Variants in MYO1E observed in about 807,000 individuals in gnomAD.
MYO1E encodes myosin IE.
In MYO1E, 68 loss-of-function variants were observed where a neutral mutation model predicts 151.1. That is an observed-to-expected ratio of 0.45 (90% CI 0.37 to 0.55). The LOEUF (loss-of-function observed/expected upper bound fraction) is 0.55, where lower values mean the gene tolerates loss of function less well. Ranked by LOEUF, MYO1E falls within the 20% of genes least tolerant of loss-of-function variation. The pLI, the probability that MYO1E is intolerant of heterozygous loss-of-function variation, is 0.00. For missense variants in MYO1E, 1,363 were observed against 1,389.3 expected (o/e 0.98, Z 0.30); for synonymous variants, 601 against 501.7 (o/e 1.20, Z -2.64).
At chr15:59,195,708 A>G (rs766770090) in intron 16 of MYO1E, 141 bp from the exon 17 acceptor site, 1 of 858,058 alleles carries the variant, frequency 1.2e-6, no homozygotes, top group Non-Finnish European at 1.9e-6. Context: ...AGCATAACTC[A>G]GGTCTACTAA....
chr15:59,267,597 G>A (rs915656686), intron 2 of MYO1E, among the ~76,000 whole-genome samples: 3 of 152,302 alleles, frequency 2.0e-5, no homozygotes, highest in South Asian at 2.1e-4. Context: ...GGTCTGGCAC[G>A]AAAATCTGGA....
chr15:59,210,866 G>A lies in MYO1E; in HGVS notation c.1276-266C>T, dbSNP rs76089728. ...AAGAAAACTACAATTTAGTAGCACC[G>A]AACTGATAAATCCAGTTACAAAAAA... On this transcript the variant is annotated intron_variant, in intron 12 of 27. Transcript: ENST00000288235. 0.022 allele frequency among the ~76,000 whole-genome samples: 3,412 copies of A among 151,682 alleles called. 68 individuals carry two copies. The highest frequency in any genetic ancestry group is 0.036 in the Non-Finnish European group (2,468 of 67,986).
In MYO1E at chr15:59,135,075, T is replaced by C. The variant is rs2140296448; in HGVS notation, c.*2305A>G. 1 of 152,356 alleles carries C rather than the reference T, an allele frequency of 6.6e-6. No homozygotes were observed. The highest frequency in any genetic ancestry group is 1.5e-5 in the Non-Finnish European group (1 of 68,048). 9.4% of individuals were successfully genotyped at this position (152,356 alleles called of 1,614,324 possible). ...AATAGTGTCAGCATTTCAGCATCTC[T>C]ACGCAGATCTAAGTCTCCTTCCCCT... On this transcript the variant is annotated 3_prime_UTR_variant, in exon 28 of 28. Transcript: ENST00000288235.
At chr15:59,312,874 A>G (rs936014468) in intron 1 of MYO1E, among the ~76,000 whole-genome samples, 1 of 151,628 alleles carries the variant, frequency 6.6e-6, no homozygotes, top group Non-Finnish European at 1.5e-5. Flanking sequence ...TAATAATAAT[A>G]ATAATAATAC....
intron 1 of MYO1E, among the ~76,000 whole-genome samples, chr15:59,361,355 A>G (rs1452538401): frequency 2.0e-5 from 3 of 152,252 alleles, no homozygotes; most frequent in Non-Finnish European, 4.4e-5. Context: ...AAGGTGGCTA[A>G]GCAGAGCTAA....
At chr15:59,224,630 G>A in intron 8 of MYO1E, 59 bp downstream of exon 8, 1 of 1,610,600 alleles carries the variant, frequency 6.2e-7, no homozygotes, top group Non-Finnish European at 8.5e-7. Context: ...TGCCCTTTTG[G>A]CCACAGGAAA....
intron 3 of MYO1E, among the ~76,000 whole-genome samples, chr15:59,258,844 G>C (rs2080209078): frequency 6.6e-6 from 1 of 151,086 alleles, no homozygotes; most frequent in Non-Finnish European, 1.5e-5. Context: ...GTGACAGAGT[G>C]AGACTTTGTT....
At chr15:59,148,013 G>A (rs2079452358) in intron 26 of MYO1E, among the ~76,000 whole-genome samples, 1 of 152,152 alleles carries the variant, frequency 6.6e-6, no homozygotes, top group Non-Finnish European at 1.5e-5. Context: ...AAATTTCCTT[G>A]CAAGACCAGC....
chr15:59,372,083 G>A (rs1199277437), intron 1 of MYO1E, among the ~76,000 whole-genome samples: 1 of 149,828 alleles, frequency 6.7e-6, no homozygotes, highest in Non-Finnish European at 1.5e-5. Flanking sequence ...CACGGCCGCG[G>A]GGAGGGCAGG....
chr15:59,322,231 G>A (rs774451740), intron 1 of MYO1E, among the ~76,000 whole-genome samples: 18 of 151,718 alleles, frequency 1.2e-4, no homozygotes, highest in Non-Finnish European at 2.4e-4. Flanking sequence ...TGGGTATTAT[G>A]CTCAGTACCT....
At position 59,372,725 on chromosome 15, in the gene MYO1E, C is replaced by T. The variant is rs2080955915; in HGVS notation, c.-225G>A. ...GACGGCGGCGACTTAGCAGGCGGGG[C>T]GCATGCTGCGGAGGGCAAGAGTCCA... On this transcript the variant is annotated 5_prime_UTR_variant, in exon 1 of 28. Transcript: ENST00000288235. 4 of 583,040 alleles carry T rather than the reference C, an allele frequency of 6.9e-6. No individual in the cohort carries two copies. Among genetic ancestry groups the T allele is most frequent in the Non-Finnish European group, 1.2e-5 (4 of 335,586 alleles). The allele number at this position is 583,040 out of a possible 1,614,324, so 36.1% of individuals were successfully genotyped here. A position where few individuals can be genotyped will look rare whatever the true frequency, so the allele number is the denominator to read the frequency against.
chr15:59,233,341 G>C (rs1407809722), intron 5 of MYO1E, among the ~76,000 whole-genome samples: 5 of 152,100 alleles, frequency 3.3e-5, no homozygotes, highest in African/African-American at 1.2e-4. Context: ...GGGCATATTA[G>C]GGAAAAGAGA....
Position 59,224,843 on chromosome 15 carries a change from G to A in MYO1E, c.643-20C>T, listed in dbSNP as rs562435881. On this transcript the variant is annotated intron_variant, in intron 7 of 27. Transcript: ENST00000288235. ...GATGAGCTGGAGCAAGAGAACACAG[G>A]TTGAGCCATGATGTGGACCACAAGG... is the stretch of plus-strand genomic sequence containing the variant. 6.2e-6 allele frequency: 10 copies of A among 1,614,096 alleles called. No individual in the cohort carries two copies. The East Asian group carries it at 2.2e-4, about 36-fold the overall frequency.
intron 4 of MYO1E, among the ~76,000 whole-genome samples, chr15:59,245,898 T>C (rs1303570605): frequency 2.0e-5 from 3 of 152,190 alleles, no homozygotes; most frequent in African/African-American, 7.2e-5. Flanking sequence ...GTTCTTCCTT[T>C]ACCACATCAT....
intron 24 of MYO1E, 85 bp downstream of exon 24, chr15:59,160,988 C>T (rs2079534853): frequency 1.3e-6 from 2 of 1,552,724 alleles, no homozygotes; most frequent in East Asian, 4.5e-5. Context: ...TCAGCCCCCA[C>T]ATCTGTGCAC....
At chr15:59,158,496 T>C in intron 24 of MYO1E, 117 bp from the exon 25 acceptor site, 1 of 783,664 alleles carries the variant, frequency 1.3e-6, no homozygotes, top group Non-Finnish European at 2.2e-6. Flanking sequence ...CAGGTGGATC[T>C]GCAGGAGAAC....
At chr15:59,307,608 T>TTTTTGG (rs71854322) in intron 1 of MYO1E, among the ~76,000 whole-genome samples, 1 of 151,764 alleles carries the variant, frequency 6.6e-6, no homozygotes, top group African/African-American at 2.4e-5. Flanking sequence ...TTAGTTTTTG[T>TTTTTGG]TTTTGGTTTT....
intron 5 of MYO1E, among the ~76,000 whole-genome samples, chr15:59,234,241 G>T (rs1333327849): frequency 2.1e-5 from 3 of 140,706 alleles, no homozygotes; most frequent in Non-Finnish European, 3.0e-5. Flanking sequence ...TGGATGGATG[G>T]ATGGGTGCAT....
intron 1 of MYO1E, among the ~76,000 whole-genome samples, chr15:59,297,017 A>G (rs1354120316): frequency 3.4e-5 from 2 of 58,738 alleles, no homozygotes; most frequent in Non-Finnish European, 9.0e-5. Context: ...TCGCCCGGCT[A>G]ATTTTTTGTG....
Sources: allele counts gnomAD v4.1 joint callset (sites outside exome capture counted in the v4.1 genomes callset), GRCh38; gene constraint gnomAD v4.1.1; transcripts MANE v1.5; gene names NCBI Gene and HGNC (gene_info 2026-07-23, HGNC 2026-07-21).